PPM1L: variants seen among roughly 807,000 people sequenced by gnomAD.
PPM1L encodes protein phosphatase, Mg2+/Mn2+ dependent 1L.
Under a neutral mutation model 31.4 loss-of-function variants are expected in PPM1L, and 13 were observed. The observed-to-expected ratio is 0.41, with a 90% CI of 0.27 to 0.66. The LOEUF (loss-of-function observed/expected upper bound fraction) is 0.66, where lower values mean the gene tolerates loss of function less well. PPM1L is among the 30% of genes least tolerant of loss of function. The pLI, the probability that PPM1L is intolerant of heterozygous loss-of-function variation, is 0.29. For missense variants in PPM1L, 326 were observed against 453.7 expected, an observed-to-expected ratio of 0.72 and a Z score of 2.56; for synonymous variants, 184 against 175.4, an observed-to-expected ratio of 1.05 and a Z score of -0.39.
chr3:160,903,761 A>G lies in PPM1L; in HGVS notation c.400-57975A>G, dbSNP rs115950478. 6.1e-3 allele frequency among the ~76,000 whole-genome samples: 933 copies of G among 152,276 alleles called. 5 individuals are homozygous for G. The highest frequency in any genetic ancestry group is 0.021 in the African/African-American group (886 of 41,546). On this transcript the variant is annotated intron_variant, in intron 1 of 3. Coordinates refer to ENST00000498165, the MANE Select transcript of PPM1L (RefSeq NM_139245.4). Reference sequence around the variant, plus strand: ...GGGAAAGGGAGAGGGATAAAGGTGGATAAGTTATACCACTTGTTCTCTAGG... The same window carrying G: ...GGGAAAGGGAGAGGGATAAAGGTGGGTAAGTTATACCACTTGTTCTCTAGG...
chr3:160,844,018 C>G (rs866897301), intron 1 of PPM1L, among the ~76,000 whole-genome samples: 22 of 152,242 alleles, frequency 1.4e-4, no homozygotes, highest in African/African-American at 5.3e-4. Context: ...ATGTGTAACT[C>G]AAGCCAATTA....
intron 2 of PPM1L, among the ~76,000 whole-genome samples, chr3:161,043,858 C>T (rs939638985): frequency 6.6e-6 from 1 of 151,998 alleles, no homozygotes; most frequent in African/African-American, 2.4e-5. Context: ...GGTGGTGTTT[C>T]GAAAGTGATC....
chr3:161,034,553 G>A (rs1300135254), intron 2 of PPM1L, among the ~76,000 whole-genome samples: 2 of 152,008 alleles, frequency 1.3e-5, no homozygotes, highest in Non-Finnish European at 1.5e-5. Flanking sequence ...GGATGTGGAT[G>A]AAGCTGGAAA....
At chr3:161,037,955 C>A (rs566066709) in intron 2 of PPM1L, among the ~76,000 whole-genome samples, 2 of 151,796 alleles carry the variant, frequency 1.3e-5, no homozygotes, top group African/African-American at 4.8e-5. Flanking sequence ...TGACAGTGGC[C>A]GGGCGCGGTG....
At chr3:160,801,355 TG>T (rs1043212066) in intron 1 of PPM1L, among the ~76,000 whole-genome samples, 12 of 152,174 alleles carry the variant, frequency 7.9e-5, no homozygotes, top group African/African-American at 2.9e-4. Flanking sequence ...ATTTTGCACT[TG>T]GGGCAAAGCG....
intron 1 of PPM1L, among the ~76,000 whole-genome samples, chr3:160,841,893 T>G (rs1713892196): frequency 6.6e-6 from 1 of 152,226 alleles, no homozygotes; most frequent in Admixed American, 6.5e-5. Flanking sequence ...AATGTCAACT[T>G]GTTTAGCTTC....
rs370533469 is a variant in PPM1L at position 161,065,616 on chromosome 3, G to A, written c.736+52G>A. On this transcript the variant is annotated intron_variant, in intron 3 of 3. Coordinates refer to ENST00000498165, the MANE Select transcript of PPM1L (RefSeq NM_139245.4). ...TGTCTGCTGTCTTGCTGGTGAACAA[G>A]GCGGCTTGCTTGGAGAGCTCCTGGA... 278 of 1,575,420 alleles carry A rather than the reference G, an allele frequency of 1.8e-4. 1 individual carries two copies. The highest frequency in any genetic ancestry group is 1.9e-4 in the Non-Finnish European group (224 of 1,151,734).
chr3:160,919,957 C>T (rs1360694040), intron 1 of PPM1L, among the ~76,000 whole-genome samples: 4 of 152,098 alleles, frequency 2.6e-5, no homozygotes, highest in African/African-American at 9.7e-5. Context: ...GCTTTCTCCC[C>T]ACAATGCCCT....
chr3:160,932,673 C>T (rs2108080426), intron 1 of PPM1L, among the ~76,000 whole-genome samples: 1 of 152,202 alleles, frequency 6.6e-6, no homozygotes, highest in African/African-American at 2.4e-5. Context: ...GTTCATTTAT[C>T]CTTAGACCAA....
In PPM1L at chr3:160,783,620, AG is replaced by A. The variant is rs1196893263; in HGVS notation, c.399+26914del. ...CATCTCAAAAAAAAAAAAAAGAAAA[AG>A]AAAGAAAGAAAGAAAGAAATTAAAT... On this transcript the variant is annotated intron_variant, in intron 1 of 3. Coordinates refer to ENST00000498165, the MANE Select transcript of PPM1L (RefSeq NM_139245.4). Among the ~76,000 whole-genome samples, 759 of 151,184 alleles carry A rather than the reference AG, an allele frequency of 5.0e-3. 7 individuals are homozygous for A. Among genetic ancestry groups the A allele is most frequent in the African/African-American group, 0.018 (738 of 40,936 alleles).
chr3:160,798,567 A>G (rs1439759628), intron 1 of PPM1L, among the ~76,000 whole-genome samples: 1 of 152,222 alleles, frequency 6.6e-6, no homozygotes, highest in African/African-American at 2.4e-5. Context: ...GGTTTACTGC[A>G]TATTTTAAGC....
intron 1 of PPM1L, among the ~76,000 whole-genome samples, chr3:160,880,491 G>A (rs943015912): frequency 1.3e-5 from 2 of 152,076 alleles, no homozygotes; most frequent in Non-Finnish European, 2.9e-5. Flanking sequence ...CATGCTGCAG[G>A]TGAGGCTTTG....
At chr3:160,888,297 T>C (rs193036707) in intron 1 of PPM1L, among the ~76,000 whole-genome samples, 1 of 152,100 alleles carries the variant, frequency 6.6e-6, no homozygotes, top group Non-Finnish European at 1.5e-5. Flanking sequence ...CATCCACATG[T>C]AGAGACACAC....
At chr3:160,937,322 T>C (rs1168671248) in intron 1 of PPM1L, among the ~76,000 whole-genome samples, 1 of 152,180 alleles carries the variant, frequency 6.6e-6, no homozygotes, top group African/African-American at 2.4e-5. Context: ...GATGAAAGAA[T>C]ACAAAACCAT....
chr3:160,822,219 T>C (rs74384220), intron 1 of PPM1L, among the ~76,000 whole-genome samples: 5,142 of 152,134 alleles, frequency 0.034, 303 homozygotes, highest in African/African-American at 0.12. Context: ...AAAAGCGGAC[T>C]TCTTGGCAAA....
chr3:160,787,292 C>G (rs1220040375), intron 1 of PPM1L, among the ~76,000 whole-genome samples: 1 of 152,162 alleles, frequency 6.6e-6, no homozygotes, highest in Non-Finnish European at 1.5e-5. Context: ...TTAATAATCA[C>G]CATTCTGACT....
intron 1 of PPM1L, among the ~76,000 whole-genome samples, chr3:160,868,097 A>G (rs1712158549): frequency 6.6e-6 from 1 of 152,222 alleles, no homozygotes; most frequent in Non-Finnish European, 1.5e-5. Flanking sequence ...AATGGCTTCT[A>G]AGACTGAAAA....
At chr3:160,825,474 A>G (rs1713328307) in intron 1 of PPM1L, among the ~76,000 whole-genome samples, 1 of 152,126 alleles carries the variant, frequency 6.6e-6, no homozygotes, top group Non-Finnish European at 1.5e-5. Flanking sequence ...ATATCTGAGG[A>G]CAATGCCAAG....
At chr3:160,833,796 A>G (rs1177093366) in intron 1 of PPM1L, among the ~76,000 whole-genome samples, 3 of 148,372 alleles carry the variant, frequency 2.0e-5, no homozygotes, top group African/African-American at 7.4e-5. Flanking sequence ...TCATTTGTCA[A>G]TTTTTTTTTT....
Sources: gnomAD v4.1 joint callset for allele counts (sites outside exome capture counted in the v4.1 genomes callset) on GRCh38, gnomAD v4.1.1 for gene constraint, MANE v1.5 for transcripts, NCBI Gene and HGNC (gene_info 2026-07-23, HGNC 2026-07-21) for gene names.